CHD9: variants seen among roughly 807,000 people sequenced by gnomAD.
The protein encoded by CHD9 is ATP-dependent chromatin remodeler CHD9.
Under a neutral mutation model 316.1 loss-of-function variants are expected in CHD9, and 77 were observed. The ratio of observed to expected loss-of-function variants is 0.24; its 90% confidence interval spans 0.20 to 0.29. The LOEUF (loss-of-function observed/expected upper bound fraction) is 0.29, where lower values mean the gene tolerates loss of function less well. CHD9 is among the 10% of genes least tolerant of loss of function. The pLI is 1.00. For missense variants in CHD9, 2,763 were observed against 3,438.1 expected, an observed-to-expected ratio of 0.80 and a Z score of 4.91; for synonymous variants, 1,129 against 1,158.3, an observed-to-expected ratio of 0.97 and a Z score of 0.51.
intron 24 of CHD9, among the ~76,000 whole-genome samples, chr16:53,277,098 T>C (rs1231980560): frequency 6.6e-6 from 1 of 152,034 alleles, no homozygotes; most frequent in Non-Finnish European, 1.5e-5. Context: ...AGCAGTGAGA[T>C]TGAAATGGTA....
intron 1 of CHD9, among the ~76,000 whole-genome samples, chr16:53,102,683 C>T (rs2036985568): frequency 6.9e-6 from 1 of 144,852 alleles, no homozygotes; most frequent in Non-Finnish European, 1.5e-5. Context: ...GACTCCATCT[C>T]TGCAAAAAAA....
At chr16:53,274,716 C>T (rs990771182) in intron 24 of CHD9, among the ~76,000 whole-genome samples, 1 of 152,132 alleles carries the variant, frequency 6.6e-6, no homozygotes. Context: ...CCTTGGCCCC[C>T]CCACAAAGTG....
At chr16:53,137,665 T>G (rs1355377481) in intron 1 of CHD9, among the ~76,000 whole-genome samples, 1 of 152,218 alleles carries the variant, frequency 6.6e-6, no homozygotes, top group Non-Finnish European at 1.5e-5. Flanking sequence ...TGAATAGCTA[T>G]TTCTGCCTAA....
intron 3 of CHD9, among the ~76,000 whole-genome samples, chr16:53,219,933 G>T (rs1567503827): frequency 6.6e-6 from 1 of 152,184 alleles, no homozygotes; most frequent in Non-Finnish European, 1.5e-5. Context: ...AAGTAGTTTT[G>T]AGAGTTGAGA....
chr16:53,146,776 G>A (rs1208406764), intron 1 of CHD9, among the ~76,000 whole-genome samples: 2 of 149,332 alleles, frequency 1.3e-5, no homozygotes, highest in East Asian at 3.9e-4. Context: ...TCTAGCCTGG[G>A]GGACAGAGTG....
chr16:53,056,463 C>A (rs950096123), intron 1 of CHD9, among the ~76,000 whole-genome samples: 1 of 152,196 alleles, frequency 6.6e-6, no homozygotes, highest in African/African-American at 2.4e-5. Context: ...ATGAATACTG[C>A]ATTTGATAGC....
intron 1 of CHD9, among the ~76,000 whole-genome samples, chr16:53,095,003 T>G (rs906572337): frequency 6.6e-6 from 1 of 152,196 alleles, no homozygotes; most frequent in Non-Finnish European, 1.5e-5. Context: ...CATGACATTC[T>G]TTCATCTTCA....
chr16:53,239,488 T>A (rs929456810), intron 12 of CHD9, among the ~76,000 whole-genome samples: 1 of 152,114 alleles, frequency 6.6e-6, no homozygotes, highest in African/African-American at 2.4e-5. Context: ...TTCATATGAA[T>A]CATTTTATTA....
chr16:53,103,441 G>A (rs181683293), intron 1 of CHD9, among the ~76,000 whole-genome samples: 12 of 152,276 alleles, frequency 7.9e-5, no homozygotes, highest in South Asian at 2.1e-4. Context: ...TGATGGAGAC[G>A]CTGATTCTTT....
At position 53,268,073 on chromosome 16, in the gene CHD9, A is replaced by G; in HGVS notation, c.4664A>G (p.Asp1555Gly). The G allele has an allele frequency of 6.2e-7, 1 of 1,612,968 alleles. No individual in the cohort carries two copies. The highest frequency in any genetic ancestry group is 1.1e-5 in the South Asian group (1 of 91,022). The change falls in exon 22 of 39, where the codon GAT becomes GGT. Residue 1555 changes from aspartate (D) to glycine (G), a missense_variant. Physicochemically the swap from Asp to Gly is moderately conservative, Grantham distance 94. Coordinates refer to ENST00000447540, the MANE Select transcript of CHD9 (RefSeq NM_001308319.2). Reference sequence around the variant, plus strand: ...GAGAAGATTAAAGGTTTCATATGGGATCTCATTACTCCAACTGAAGATGGA... The same window carrying G: ...GAGAAGATTAAAGGTTTCATATGGGGTCTCATTACTCCAACTGAAGATGGA... ...GDEKIKGFIW[D>G]LITPTEDGQT... is the part of the protein sequence containing the mutation.
At chr16:53,281,560 T>C (rs948162837) in intron 24 of CHD9, among the ~76,000 whole-genome samples, 7 of 152,180 alleles carry the variant, frequency 4.6e-5, no homozygotes, top group African/African-American at 1.7e-4. Flanking sequence ...AAAGCAAAAA[T>C]CAGGTCTTGG....
At position 53,307,672 on chromosome 16, in the gene CHD9, C is replaced by G. The variant is rs1184314757; in HGVS notation, c.6781-9C>G. On this transcript the variant is annotated splice_polypyrimidine_tract_variant and intron_variant, in intron 32 of 38. Transcript: ENST00000447540. ...TAAAATTACACTTTGATGTTGCACGCTTTTCTAGGATCGTGTGATGATCAA... is the reference window on the plus strand; with the variant it reads ...TAAAATTACACTTTGATGTTGCACGGTTTTCTAGGATCGTGTGATGATCAA... 1.0e-5 allele frequency: 16 copies of G among 1,591,678 alleles called. No homozygotes were observed. The highest frequency in any genetic ancestry group is 1.4e-5 in the Non-Finnish European group (16 of 1,168,016).
intron 16 of CHD9, among the ~76,000 whole-genome samples, chr16:53,248,509 T>C (rs1161288523): frequency 1.4e-5 from 2 of 147,716 alleles, no homozygotes; most frequent in African/African-American, 5.0e-5. Context: ...GTTTTTGCTT[T>C]GTTGGTTTTT....
At chr16:53,301,684 AC>A (rs2055433758) in intron 30 of CHD9, among the ~76,000 whole-genome samples, 1 of 151,064 alleles carries the variant, frequency 6.6e-6, no homozygotes, top group East Asian at 1.9e-4. Flanking sequence ...GTTTTGAACT[AC>A]TTTTAAAATT....
intron 1 of CHD9, among the ~76,000 whole-genome samples, chr16:53,128,828 G>T (rs778622459): frequency 1.6e-4 from 25 of 152,078 alleles, no homozygotes; most frequent in Non-Finnish European, 3.1e-4. Flanking sequence ...ACTTAACACA[G>T]GAGAACCCCA....
chr16:53,157,594 A>G, intron 2 of CHD9, 53 bp downstream of exon 2: 1 of 1,497,078 alleles, frequency 6.7e-7, no homozygotes, highest in Non-Finnish European at 9.0e-7. Flanking sequence ...GCGGACTGTT[A>G]GTCATTGGGT....
chr16:53,137,672 C>A (rs183492940), intron 1 of CHD9, among the ~76,000 whole-genome samples: 8 of 151,930 alleles, frequency 5.3e-5, no homozygotes, highest in Admixed American at 6.6e-5. Context: ...CTATTTCTGC[C>A]TAAATGAGAT....
At chr16:53,141,065 T>G (rs190183393) in intron 1 of CHD9, among the ~76,000 whole-genome samples, 43 of 152,334 alleles carry the variant, frequency 2.8e-4, no homozygotes, top group African/African-American at 8.9e-4. Flanking sequence ...GATTTCTTTG[T>G]TTTTTAAAAA....
rs2055753284 is a variant in CHD9, at chr16:53,304,585, A to G, written c.6579A>G (p.Ser2193=). The change falls in exon 31 of 39, where the codon TCA becomes TCG. Residue 2193 remains serine, a synonymous_variant. Transcript: ENST00000447540. ...SSSSSSSSSS[S]EESDSDEEEA... ...CCTCCTCCTCCTCTTCATCTTCATC[A>G]GAAGAAAGTGACAGTGATGAAGAAG... 6.5e-7 allele frequency: 1 copy of G among 1,549,308 alleles called. No individual in the cohort carries two copies. Among genetic ancestry groups the G allele is most frequent in the East Asian group, 2.4e-5 (1 of 40,910 alleles).
Sources: allele counts gnomAD v4.1 joint callset (sites outside exome capture counted in the v4.1 genomes callset), GRCh38; gene constraint gnomAD v4.1.1; transcripts MANE v1.5; gene names NCBI Gene and HGNC (gene_info 2026-07-23, HGNC 2026-07-21).